The following PTPRA variants were observed in gnomAD, a reference collection of about 807,000 sequenced individuals.
The protein encoded by PTPRA is protein tyrosine phosphatase receptor type A.
In PTPRA, 25 loss-of-function variants were observed where a neutral mutation model predicts 104.8. The observed-to-expected ratio is 0.24, with a 90% CI of 0.17 to 0.33. The LOEUF (loss-of-function observed/expected upper bound fraction) is 0.33. PTPRA is among the 10% of genes least tolerant of loss of function. The pLI, the probability that PTPRA is intolerant of heterozygous loss-of-function variation, is 1.00. For missense variants in PTPRA, 765 were observed against 1,015.3 expected (o/e 0.75, Z 3.35); for synonymous variants, 323 against 368.9 (o/e 0.88, Z 1.43).
At position 3,037,860 on chromosome 20, in the gene PTPRA, G is replaced by A. The variant is rs756673279; in HGVS notation, c.2335-199G>A. On this transcript the variant is annotated intron_variant, in intron 23 of 23. Transcript: ENST00000399903. The surrounding 1 kb of genome is among the most constrained non-coding windows in gnomAD (Gnocchi z 4.3). ...GGGTCAGCTCTGGTCAGCTCTGCTT[G>A]TAGAAGGTCTGCTGCATTCAGCCCG... 2.2e-4 allele frequency among the ~76,000 whole-genome samples: 34 copies of A among 152,334 alleles called. No individual in the cohort carries two copies. The East Asian group carries it at 3.7e-3, about 16-fold the overall frequency.
At chr20:2,978,236 G>C (rs950809579) in intron 6 of PTPRA, among the ~76,000 whole-genome samples, 1 of 152,156 alleles carries the variant, frequency 6.6e-6, no homozygotes, top group Non-Finnish European at 1.5e-5. Context: ...AGAGGACTTA[G>C]GGGAGATAGA....
intron 2 of PTPRA, among the ~76,000 whole-genome samples, chr20:2,936,697 T>A (rs2060715588): frequency 1.3e-5 from 2 of 152,180 alleles, no homozygotes; most frequent in African/African-American, 4.8e-5. Flanking sequence ...GGTCTCGAAG[T>A]CTTGGGCTGA....
intron 2 of PTPRA, among the ~76,000 whole-genome samples, chr20:2,924,836 AC>A (rs1411813816): frequency 6.6e-6 from 1 of 151,902 alleles, no homozygotes; most frequent in Non-Finnish European, 1.5e-5. Flanking sequence ...ACGCGCCACC[AC>A]GCCCAGCTAA....
chr20:2,896,230 T>C (rs907609665), intron 1 of PTPRA, among the ~76,000 whole-genome samples: 5 of 151,856 alleles, frequency 3.3e-5, no homozygotes, highest in Non-Finnish European at 7.4e-5. Flanking sequence ...CAAAAAAAAT[T>C]TAGCCGGGCA....
chr20:2,886,158 T>A (rs956927956), intron 1 of PTPRA, among the ~76,000 whole-genome samples: 2 of 152,244 alleles, frequency 1.3e-5, no homozygotes, highest in African/African-American at 4.8e-5. Flanking sequence ...AAAAGTTATT[T>A]ATGAGCCCAT....
chr20:3,019,102 C>T lies in PTPRA; in HGVS notation c.1041+1189C>T, dbSNP rs547238786. Among the ~76,000 whole-genome samples, 374 of 135,608 alleles carry T rather than the reference C, an allele frequency of 2.8e-3. 9 individuals carry two copies. The highest frequency in any genetic ancestry group is 0.023 in the South Asian group (95 of 4,062). 89.0% of individuals were successfully genotyped at this position (135,608 alleles called of 152,430 possible). On this transcript the variant is annotated intron_variant, in intron 13 of 23. Transcript: ENST00000399903. ...CTCCTCACTTCCCAGTAGGGGCGGC[C>T]GGGCAGAGGCGCCCCTCACCTCCTG...
At chr20:2,957,044 G>A (rs1600170902) in intron 3 of PTPRA, among the ~76,000 whole-genome samples, 1 of 152,224 alleles carries the variant, frequency 6.6e-6, no homozygotes, top group South Asian at 2.1e-4. Flanking sequence ...CCAGCACTTT[G>A]GGAGGCTGAG....
intron 1 of PTPRA, among the ~76,000 whole-genome samples, chr20:2,914,445 C>CTGTGTGTGTGTGTGTGTG (rs35272226): frequency 6.9e-6 from 1 of 145,626 alleles, no homozygotes; most frequent in South Asian, 2.2e-4. Flanking sequence ...ATTTCTTGCT[C>CTGTGTGTGTGTGTGTGTG]TGTGTGTGTG....
chr20:2,878,988 G>A (rs1486782736), intron 1 of PTPRA, among the ~76,000 whole-genome samples: 1 of 152,206 alleles, frequency 6.6e-6, no homozygotes, highest in African/African-American at 2.4e-5. Context: ...AAAATATAAG[G>A]CTAGATGCTG....
chr20:2,953,031 T>C (rs2061404133), intron 3 of PTPRA, among the ~76,000 whole-genome samples: 1 of 152,208 alleles, frequency 6.6e-6, no homozygotes, highest in Non-Finnish European at 1.5e-5. Flanking sequence ...TAAATATCTG[T>C]TCGAGTTCCT....
At position 2,910,302 on chromosome 20, in the gene PTPRA, ATTTT is replaced by A. The variant is rs2059635768; in HGVS notation, c.-128-12904_-128-12901del. Among the ~76,000 whole-genome samples, 7 of 132,902 alleles carry A rather than the reference ATTTT, an allele frequency of 5.3e-5. No individual in the cohort carries two copies. In the South Asian group the frequency reaches 1.3e-3, roughly 25 times the overall value. The allele number at this position is 132,902 out of a possible 152,430, so 87.2% of individuals were successfully genotyped here. A position where few individuals can be genotyped will look rare whatever the true frequency, so the allele number is the denominator to read the frequency against. ...GCATTATATATAATATGTATTATAT[ATTTT>A]ATATATTATAATATATATTTTATAT... On this transcript the variant is annotated intron_variant, in intron 1 of 23. Transcript: ENST00000399903.
At chr20:2,957,810 G>T (rs543622135) in intron 3 of PTPRA, among the ~76,000 whole-genome samples, 1 of 152,322 alleles carries the variant, frequency 6.6e-6, no homozygotes, top group South Asian at 2.1e-4. Context: ...GATGGTTAGA[G>T]GGGAGAGGAG....
intron 3 of PTPRA, among the ~76,000 whole-genome samples, chr20:2,948,888 C>A (rs1024110106): frequency 6.6e-6 from 1 of 151,918 alleles, no homozygotes; most frequent in East Asian, 1.9e-4. Flanking sequence ...GGAGGCGGAG[C>A]TTGCAGTGAG....
intron 16 of PTPRA, among the ~76,000 whole-genome samples, chr20:3,023,548 A>G (rs2064989146): frequency 6.6e-6 from 1 of 152,208 alleles, no homozygotes; most frequent in South Asian, 2.1e-4. Flanking sequence ...ATGTTTGTGT[A>G]AAGTCAGACA....
chr20:2,885,330 A>G (rs7262267), intron 1 of PTPRA, among the ~76,000 whole-genome samples: 56,899 of 152,096 alleles, frequency 0.37, 11,442 homozygotes, highest in East Asian at 0.64. Context: ...TAAAATTCTC[A>G]TAATTTGACA....
chr20:3,005,287 A>G (rs1223910727), intron 10 of PTPRA, 141 bp downstream of exon 10: 13 of 795,878 alleles, frequency 1.6e-5, no homozygotes, highest in Non-Finnish European at 2.4e-5. Context: ...AGTGGCTCAT[A>G]CCTGTAATCC....
rs939743974 is a variant in PTPRA, at chr20:3,035,818, T to C, written c.2075T>C (p.Phe692Ser). The change falls in exon 22 of 24, where the codon TTC becomes TCC. Residue 692 changes from phenylalanine to serine, a missense_variant. By Grantham distance (155) the Phe-to-Ser change is radical. Around this residue, in one of 4 missense-constraint regions of PTPRA, gnomAD observed 192 missense variants for 227.0 expected, o/e 0.85. Transcript: ENST00000399903. This position sits in a 1 kb window ranked among gnomAD's most constrained non-coding sequence, Gnocchi z 5.8. ...AATAAGAGCCGGCAGATCCGGCAGT[T>C]CCACTTCCATGGCTGGCCTGAAGTG... ...RENKSRQIRQ[F>S]HFHGWPEVGI... The C allele has an allele frequency of 6.2e-7, 1 of 1,614,072 alleles. No individual in the cohort carries two copies. Among genetic ancestry groups the C allele is most frequent in the Non-Finnish European group, 8.5e-7 (1 of 1,180,040 alleles).
At chr20:2,986,509 G>C (rs1329143858) in intron 6 of PTPRA, among the ~76,000 whole-genome samples, 1 of 152,214 alleles carries the variant, frequency 6.6e-6, no homozygotes, top group Admixed American at 6.5e-5. Flanking sequence ...CAGGGAGACA[G>C]AGTAAATAAA....
Position 3,038,245 on chromosome 20 carries a change from G to C in PTPRA, c.*112G>C. Reference sequence around the variant, plus strand: ...TATCTTATAACTGTTTTAGAAATTGGTACATAGGCTTCTATTACCTATTAG... The same window carrying C: ...TATCTTATAACTGTTTTAGAAATTGCTACATAGGCTTCTATTACCTATTAG... On this transcript the variant is annotated 3_prime_UTR_variant, in exon 24 of 24. Transcript: ENST00000399903. 3.8e-6 allele frequency: 4 copies of C among 1,042,970 alleles called. No individual in the cohort carries two copies. The highest frequency in any genetic ancestry group is 5.7e-6 in the Non-Finnish European group (4 of 706,434). The allele number at this position is 1,042,970 out of a possible 1,614,324, so 64.6% of individuals were successfully genotyped here. A position where few individuals can be genotyped will look rare whatever the true frequency, so the allele number is the denominator to read the frequency against.
Sources: gnomAD v4.1 joint callset for allele counts (sites outside exome capture counted in the v4.1 genomes callset) on GRCh38, gnomAD v4.1.1 for gene constraint, gnomAD v4.1.1 regional missense constraint, Gnocchi (gnomAD v3.1) non-coding constraint, MANE v1.5 for transcripts, NCBI Gene and HGNC (gene_info 2026-07-23, HGNC 2026-07-21) for gene names.